MADD: variants seen among roughly 807,000 people sequenced by gnomAD.
MADD encodes the protein MAP kinase-activating death domain protein.
A neutral mutation model predicts 176.7 loss-of-function variants in MADD; 109 were observed. The ratio of observed to expected loss-of-function variants is 0.62; its 90% CI spans 0.53 to 0.72. The LOEUF (loss-of-function observed/expected upper bound fraction) is 0.72. MADD is among the 30% of genes least tolerant of loss of function. MADD has a pLI of 0.00. For missense variants in MADD, 1,914 were observed against 2,045.5 expected, an observed-to-expected ratio of 0.94 and a Z score of 1.24; for synonymous variants, 771 against 771.3, an observed-to-expected ratio of 1.00 and a Z score of 0.01.
intron 20 of MADD, among the ~76,000 whole-genome samples, chr11:47,294,356 A>T (rs982390415): frequency 8.5e-6 from 1 of 117,758 alleles, no homozygotes; most frequent in African/African-American, 3.8e-5. Context: ...CTCAAAAAAA[A>T]AAAAAAATAA....
chr11:47,284,613 G>A (rs1385826759), intron 12 of MADD, 48 bp downstream of exon 12: 1 of 1,586,124 alleles, frequency 6.3e-7, no homozygotes, highest in Non-Finnish European at 8.6e-7. Flanking sequence ...TGGGATGTGG[G>A]CCTCATCTAT....
intron 30 of MADD, 176 bp downstream of exon 33, chr11:47,324,753 G>A (rs543466989): frequency 1.6e-5 from 11 of 706,144 alleles, no homozygotes; most frequent in Non-Finnish European, 2.1e-5. Flanking sequence ...TGACGTTGGC[G>A]ACCACCTGGC....
At chr11:47,289,273 C>A in intron 15 of MADD, 118 bp from the exon 17 acceptor site, 1 of 900,900 alleles carries the variant, frequency 1.1e-6, no homozygotes, top group Non-Finnish European at 1.8e-6. Flanking sequence ...TGCCTTGGTG[C>A]TACCCTCACC....
In MADD at chr11:47,296,069, A is replaced by G; in HGVS notation, c.3642+14A>G. On this transcript the variant is annotated intron_variant, in intron 22 of 32. Transcript: ENST00000402192. ...AGCACCATCTTTGTAAGCTTTGTTT[A>G]TTAACAAAAGAAAACCATTTCTTTA... 7 of 1,602,874 alleles carry G rather than the reference A, an allele frequency of 4.4e-6. No homozygotes were observed. The highest frequency in any genetic ancestry group is 2.3e-5 in the East Asian group (1 of 42,890).
At chr11:47,326,434 G>A in intron 30 of MADD, 110 bp from the exon 34 acceptor site, 1 of 825,096 alleles carries the variant, frequency 1.2e-6, no homozygotes, top group Non-Finnish European at 1.6e-6. Flanking sequence ...GCACTGCCCT[G>A]GGCAGAGGGT....
intron 22 of MADD, among the ~76,000 whole-genome samples, chr11:47,303,489 C>T (rs1014791490): frequency 3.9e-5 from 6 of 152,008 alleles, no homozygotes; most frequent in African/African-American, 1.2e-4. Context: ...CTGCCTGCCT[C>T]GGCCTCCCAA....
At chr11:47,329,164 C>G (rs367734975) in exon 33 of MADD, 1 of 1,598,616 alleles carries the variant, frequency 6.3e-7, no homozygotes, top group Non-Finnish European at 8.6e-7. Context: ...AGAGGGGCTA[C>G]GCAGCTGCCC....
rs780548837 is a variant in MADD at position 47,289,901 on chromosome 11, A to G, written c.2791A>G (p.Ser931Gly). The stretch of plus-strand genomic sequence containing the variant: ...GCAGTTCCTGAAGGAGGTGGTGCAC[A>G]GCGTGCTGGACGGCCAGGGAGTTGG... The change falls in exon 17 of 33, where the codon AGC becomes GGC. Residue 931 changes from serine (S) to glycine (G), a missense_variant. Ser to Gly is a moderately conservative substitution (Grantham distance 56). Around this residue, in one of 2 missense-constraint regions of MADD, gnomAD observed 1,767 missense variants for 1,836.0 expected, o/e 0.96. Coordinates refer to ENST00000402192, the Ensembl canonical transcript of MADD. 1.5e-5 allele frequency: 24 copies of G among 1,613,932 alleles called. No homozygotes were observed. Among genetic ancestry groups the G allele is most frequent in the Non-Finnish European group, 1.9e-5 (23 of 1,180,030 alleles).
chr11:47,282,980 T>G lies in MADD; in HGVS notation c.1862+11T>G. ...ACCTACTGATGATAGGTGAGCATCC[T>G]TAGGGCAGCAAAAAGGTTTTAAAGG... is the stretch of plus-strand genomic sequence containing the variant. On this transcript the variant is annotated intron_variant, in intron 10 of 32. Coordinates refer to ENST00000402192, the Ensembl canonical transcript of MADD. The G allele has an allele frequency of 6.2e-7, 1 of 1,609,920 alleles. No individual in the cohort carries two copies.
chr11:47,326,539 G>GC lies in MADD; in HGVS notation c.4543-197dup. 7.3e-7 allele frequency: 1 copy of GC among 1,374,028 alleles called. No individual in the cohort carries two copies. Among genetic ancestry groups the GC allele is most frequent in the Non-Finnish European group, 9.4e-7 (1 of 1,064,630 alleles). 85.1% of individuals were successfully genotyped at this position (1,374,028 alleles called of 1,614,324 possible). On this transcript the variant is annotated intron_variant, in intron 30 of 32. Coordinates refer to ENST00000402192, the Ensembl canonical transcript of MADD. ...TTTCTCTCCCATGCTTTCTCCTCCG[G>GC]CCAGGAGCGGAAGGTACATGCCCTT...
intron 7 of MADD, among the ~76,000 whole-genome samples, chr11:47,279,490 T>C (rs1176492498): frequency 1.3e-5 from 2 of 149,790 alleles, no homozygotes; most frequent in East Asian, 4.2e-4. Flanking sequence ...GTTCACGCCA[T>C]TCTTCTGCCT....
intron 31 of MADD, chr11:47,328,171 G>A: frequency 2.9e-6 from 3 of 1,037,714 alleles, no homozygotes; most frequent in Non-Finnish European, 3.5e-6. Flanking sequence ...CTCTGTGTAG[G>A]GGGCTGGGAA....
intron 9 of MADD, 53 bp downstream of exon 9, chr11:47,282,669 T>C: frequency 6.3e-7 from 1 of 1,596,262 alleles, no homozygotes; most frequent in South Asian, 1.1e-5. Flanking sequence ...GTCCTCCTGA[T>C]GGACTTTGAT....
At chr11:47,288,856 C>G in intron 15 of MADD, 112 bp from the exon 16 acceptor site, 1 of 813,156 alleles carries the variant, frequency 1.2e-6, no homozygotes, top group Non-Finnish European at 2.0e-6. Context: ...AGGTTATGTG[C>G]ATTCCTCAAG....
At chr11:47,269,239 C>T (rs1189636099), upstream of MADD, 1 of 153,312 alleles carries the variant, frequency 6.5e-6, no homozygotes, top group Non-Finnish European at 1.5e-5. Context: ...CAGCCTTGGC[C>T]GTGAGAGGGG....
At chr11:47,291,053 G>T (rs2064767036) in intron 19 of MADD, among the ~76,000 whole-genome samples, 1 of 152,022 alleles carries the variant, frequency 6.6e-6, no homozygotes, top group Non-Finnish European at 1.5e-5. Context: ...TGTTTAGAGG[G>T]CCCAATGAGG....
chr11:47,284,980 G>A (rs1440168974), exon 13 of MADD: 1 of 1,613,878 alleles, frequency 6.2e-7, no homozygotes, highest in Non-Finnish European at 8.5e-7. Context: ...TAAGGCAGCA[G>A]TAGGCGTCTC....
Position 47,282,691 on chromosome 11 carries a change from T to C in MADD, c.1705+75T>C. 8 of 1,591,588 alleles carry C rather than the reference T, an allele frequency of 5.0e-6. No homozygotes were observed. The South Asian group carries it at 8.9e-5, about 18-fold the overall frequency. On this transcript the variant is annotated intron_variant, in intron 9 of 32. Coordinates refer to ENST00000402192, the Ensembl canonical transcript of MADD. Reference sequence around the variant, plus strand: ...TGATGGACTTTGATTTTTCCTTTGCTAATGTTTGACCTGTGCCTTCTATCC... The same window carrying C: ...TGATGGACTTTGATTTTTCCTTTGCCAATGTTTGACCTGTGCCTTCTATCC...
chr11:47,329,376 C>T, exon 33 of MADD: 1 of 569,318 alleles, frequency 1.8e-6, no homozygotes, highest in East Asian at 2.9e-5. Flanking sequence ...GCCTTCCCCT[C>T]AGGGCTCAAG....
Sources: gnomAD v4.1 joint callset for allele counts (sites outside exome capture counted in the v4.1 genomes callset) on GRCh38, gnomAD v4.1.1 for gene constraint, gnomAD v4.1.1 regional missense constraint, MANE v1.5 for transcripts, NCBI Gene and HGNC (gene_info 2026-07-23, HGNC 2026-07-21) for gene names.